Variants in C11orf65 observed in about 807,000 individuals in gnomAD.
The protein encoded by C11orf65 is chromosome 11 open reading frame 65, also known as protein MFI.
In C11orf65, 38 loss-of-function variants were observed where a neutral mutation model predicts 35.3. That is an observed-to-expected ratio of 1.08 (90% confidence interval 0.83 to 1.41). C11orf65 has a LOEUF of 1.41. C11orf65 is among the 40% of genes most tolerant of loss of function. The pLI is 0.00. For missense variants in C11orf65, 370 were observed against 367.1 expected (o/e 1.01, Z -0.06); for synonymous variants, 105 against 114.4 (o/e 0.92, Z 0.53).
At chr11:108,366,233 T>C (rs2091323803) in intron 2 of C11orf65, 1 of 197,414 alleles carries the variant, frequency 5.1e-6, no homozygotes, top group African/African-American at 2.3e-5. Context: ...TATGTTATCT[T>C]TCTGTGATAA....
chr11:108,385,563 T>C (rs1179787956), intron 8 of C11orf65, among the ~76,000 whole-genome samples: 10 of 151,994 alleles, frequency 6.6e-5, no homozygotes, highest in Non-Finnish European at 8.8e-5. Flanking sequence ...GTGCCTGTAG[T>C]TCCAGCTACT....
At chr11:108,375,005 A>G (rs914899354) in intron 2 of C11orf65, among the ~76,000 whole-genome samples, 2 of 152,140 alleles carry the variant, frequency 1.3e-5, no homozygotes, top group South Asian at 4.1e-4. Context: ...CCAAATCTAC[A>G]TCTGATTGGT....
intron 2 of C11orf65, among the ~76,000 whole-genome samples, chr11:108,370,767 A>C (rs1178750054): frequency 6.6e-6 from 1 of 152,068 alleles, no homozygotes; most frequent in East Asian, 1.9e-4. Flanking sequence ...GAATCTGTTA[A>C]TGTAGTGAAC....
chr11:108,429,845 ATGGG>A (rs2092960285), intron 3 of C11orf65, among the ~76,000 whole-genome samples: 1 of 152,316 alleles, frequency 6.6e-6, no homozygotes, highest in Admixed American at 6.5e-5. Context: ...AAACTATTAC[ATGGG>A]TGAATCTTGA....
At chr11:108,431,315 GAAT>G (rs1253710583) in intron 3 of C11orf65, among the ~76,000 whole-genome samples, 7 of 152,030 alleles carry the variant, frequency 4.6e-5, no homozygotes, top group African/African-American at 9.7e-5. Context: ...TCATAAAAGA[GAAT>G]AATGGCTATT....
intron 2 of C11orf65, among the ~76,000 whole-genome samples, chr11:108,441,179 C>G (rs1745903567): frequency 6.6e-6 from 1 of 152,248 alleles, no homozygotes; most frequent in Non-Finnish European, 1.5e-5. Flanking sequence ...TTATATCCTG[C>G]ACCTGGCTCA....
intron 6 of C11orf65, among the ~76,000 whole-genome samples, chr11:108,400,233 A>G (rs1285073282): frequency 6.6e-6 from 1 of 152,334 alleles, no homozygotes; most frequent in East Asian, 1.9e-4. Context: ...TGGATGGTAC[A>G]AGGTACAGTA....
In C11orf65 at chr11:108,427,062, G is replaced by A. The variant is rs925475998; in HGVS notation, c.174+4684C>T. ...CTCTAGATGGATTAAAGACTTAAACGTAAGACCTAAAACCATAAAAATCCT... is the reference window on the plus strand; with the variant it reads ...CTCTAGATGGATTAAAGACTTAAACATAAGACCTAAAACCATAAAAATCCT... On this transcript the variant is annotated intron_variant, in intron 3 of 8. Transcript: ENST00000393084. Among the ~76,000 whole-genome samples, 3 of 152,024 alleles carry A rather than the reference G, an allele frequency of 2.0e-5. No individual in the cohort carries two copies. In the South Asian group the frequency reaches 6.2e-4, roughly 32 times the overall value.
At chr11:108,315,055 C>G (rs1035909061) in intron 6 of C11orf65, among the ~76,000 whole-genome samples, 1 of 152,164 alleles carries the variant, frequency 6.6e-6, no homozygotes, top group Non-Finnish European at 1.5e-5. Context: ...TGGTGTTAAT[C>G]AAGGCTTATA....
At chr11:108,468,140 C>G (rs2093558793), upstream of C11orf65, among the ~76,000 whole-genome samples, 1 of 152,144 alleles carries the variant, frequency 6.6e-6, no homozygotes, top group African/African-American at 2.4e-5. Context: ...ACCACCGCGC[C>G]CGGCCTATTT....
rs1565532052 is a variant in C11orf65, at chr11:108,331,462, C to A, written c.*88G>T. The A allele has an allele frequency of 6.2e-6, 10 of 1,612,122 alleles. No individual in the cohort carries two copies. The highest frequency in any genetic ancestry group is 8.5e-6 in the Non-Finnish European group (10 of 1,179,214). ...ATGGTAGAGAGACGGAATGAAGATT[C>A]CAACATATAAATTTTTGCCTCTTAT... On this transcript the variant is annotated 3_prime_UTR_variant, in exon 4 of 4. Coordinates refer to the C11orf65 transcript ENST00000524755.
intron 7 of C11orf65, among the ~76,000 whole-genome samples, chr11:108,387,058 G>T (rs537753035): frequency 2.0e-5 from 3 of 151,250 alleles, no homozygotes; most frequent in Non-Finnish European, 4.4e-5. Flanking sequence ...CTCCAGCTTG[G>T]GTGACAGAGC....
At chr11:108,321,697 T>C (rs2085238361) in intron 6 of C11orf65, among the ~76,000 whole-genome samples, 1 of 151,724 alleles carries the variant, frequency 6.6e-6, no homozygotes, top group Non-Finnish European at 1.5e-5. Flanking sequence ...GCAGGAAAAT[T>C]GCTTGAACCC....
intron 8 of C11orf65, among the ~76,000 whole-genome samples, chr11:108,384,036 AT>A (rs2091929795): frequency 6.6e-6 from 1 of 151,760 alleles, no homozygotes; most frequent in Non-Finnish European, 1.5e-5. Context: ...CTGACATTTT[AT>A]TTTTTGTAGA....
chr11:108,345,130 C>A (rs2088160302), intron 2 of C11orf65, among the ~76,000 whole-genome samples: 1 of 152,052 alleles, frequency 6.6e-6, no homozygotes, highest in Non-Finnish European at 1.5e-5. Context: ...TAAAGTTTGC[C>A]AGAGATGAAG....
chr11:108,373,042 G>A (rs2091614058), intron 2 of C11orf65, among the ~76,000 whole-genome samples: 1 of 151,890 alleles, frequency 6.6e-6, no homozygotes, highest in Admixed American at 6.6e-5. Flanking sequence ...ACGTGCCACT[G>A]CACTCCAGCC....
chr11:108,327,411 C>T, downstream of C11orf65: 2 of 468,304 alleles, frequency 4.3e-6, no homozygotes, highest in Non-Finnish European at 7.8e-6. Context: ...TATAAGTACT[C>T]AATAAATGTG....
chr11:108,462,721 A>G (rs2093486969), intron 1 of C11orf65: 1 of 152,224 alleles, frequency 6.6e-6, no homozygotes, highest in South Asian at 2.1e-4. Flanking sequence ...TAGTCTTAAG[A>G]GTTATTAATA....
chr11:108,394,658 G>A (rs2092261017), intron 6 of C11orf65, among the ~76,000 whole-genome samples: 1 of 152,044 alleles, frequency 6.6e-6, no homozygotes, highest in Non-Finnish European at 1.5e-5. Context: ...ATTTTAAAGG[G>A]TCACCTATTA....
Sources: gnomAD v4.1 joint callset for allele counts (sites outside exome capture counted in the v4.1 genomes callset) on GRCh38, gnomAD v4.1.1 for gene constraint, MANE v1.5 for transcripts, NCBI Gene and HGNC (gene_info 2026-07-23, HGNC 2026-07-21) for gene names.